Variants in SHANK2 observed in about 807,000 individuals in gnomAD.
The protein encoded by SHANK2 is SH3 and multiple ankyrin repeat domains 2.
Under a neutral mutation model 133.7 loss-of-function variants are expected in SHANK2, and 43 were observed. The ratio of observed to expected loss-of-function variants is 0.32; its 90% CI spans 0.25 to 0.41. The LOEUF is 0.41. Among genes scored for constraint, SHANK2 ranks in the 10% least tolerant of loss-of-function variants. The pLI is 1.00. For synonymous variants in SHANK2, 1,017 were observed against 952.8 expected, an observed-to-expected ratio of 1.07 and a Z score of -1.24; for missense variants, 1,994 against 2,235.8, an observed-to-expected ratio of 0.89 and a Z score of 2.18.
At chr11:70,481,310 T>C (rs190484313) in intron 25 of SHANK2, among the ~76,000 whole-genome samples, 174 of 152,354 alleles carry the variant, frequency 1.1e-3, no homozygotes, top group African/African-American at 4.0e-3. Context: ...CATCCTTGAT[T>C]TCAGGGAAGA....
intron 10 of SHANK2, among the ~76,000 whole-genome samples, chr11:70,932,172 G>A (rs1950512849): frequency 6.6e-6 from 1 of 152,232 alleles, no homozygotes; most frequent in Non-Finnish European, 1.5e-5. Context: ...TGTTGCTTCT[G>A]CCTTAGCCAT....
intron 10 of SHANK2, among the ~76,000 whole-genome samples, chr11:70,910,085 TATAGG>T (rs1434920467): frequency 2.0e-5 from 3 of 152,172 alleles, no homozygotes; most frequent in African/African-American, 7.2e-5. Context: ...CTCCTCTTCC[TATAGG>T]GACACTGGTC....
intron 14 of SHANK2, among the ~76,000 whole-genome samples, chr11:70,700,892 T>G (rs926112939): frequency 1.3e-5 from 2 of 152,244 alleles, no homozygotes; most frequent in African/African-American, 4.8e-5. Context: ...TGTTGGGCCA[T>G]GCATGTGCAG....
rs1948116923 is a variant in SHANK2 at position 70,804,357 on chromosome 11, C to G, written c.1663+2645G>C. 6.6e-6 allele frequency among the ~76,000 whole-genome samples: 1 copy of G among 152,200 alleles called. No individual in the cohort carries two copies. Among genetic ancestry groups the G allele is most frequent in the South Asian group, 2.1e-4 (1 of 4,830 alleles). The stretch of plus-strand genomic sequence containing the variant: ...GCTCGGCAGGAAGGAAGAGCGGTGC[C>G]ACTGGCAGCAGGAAGGGGCTCCGTG... On this transcript the variant is annotated intron_variant, in intron 13 of 25. Transcript: ENST00000601538. The surrounding 1 kb of genome is among the most constrained non-coding windows in gnomAD (Gnocchi z 4.1).
chr11:71,118,769 C>T, intron 4 of SHANK2, 60 bp downstream of exon 4: 1 of 1,398,086 alleles, frequency 7.2e-7, no homozygotes, highest in South Asian at 1.5e-5. Context: ...TCTCCCCCAC[C>T]CACCATGGCA....
chr11:71,194,026 GT>G (rs1249500747), intron 2 of SHANK2, among the ~76,000 whole-genome samples: 1 of 152,212 alleles, frequency 6.6e-6, no homozygotes, highest in African/African-American at 2.4e-5. Flanking sequence ...GCCCACAGCA[GT>G]GCTGCTGGCG....
chr11:70,757,406 T>C (rs1946897942), intron 14 of SHANK2, among the ~76,000 whole-genome samples: 1 of 152,204 alleles, frequency 6.6e-6, no homozygotes, highest in African/African-American at 2.4e-5. Context: ...GGCCCCTAGC[T>C]GGCATCTGGG....
At position 70,670,614 on chromosome 11, in the gene SHANK2, C is replaced by T. The variant is rs181890535; in HGVS notation, c.1854-8936G>A. ...GGGGGAGCTTCTCAGCCCATGACCA[C>T]ACGTGCAGCTGCTCCCAGCATCCTG... On this transcript the variant is annotated intron_variant, in intron 15 of 25. Coordinates refer to ENST00000601538, the MANE Select transcript of SHANK2 (RefSeq NM_012309.5). Among the ~76,000 whole-genome samples the T allele has an allele frequency of 1.1e-4, 17 of 152,314 alleles. No individual in the cohort carries two copies. The East Asian group carries it at 3.3e-3, about 29-fold the overall frequency.
At chr11:70,718,079 C>CA (rs1201265074) in intron 14 of SHANK2, among the ~76,000 whole-genome samples, 9 of 152,106 alleles carry the variant, frequency 5.9e-5, no homozygotes, top group Admixed American at 5.2e-4. Context: ...GGCAATGCAT[C>CA]AGTCACTAGT....
intron 2 of SHANK2, among the ~76,000 whole-genome samples, chr11:71,190,422 C>T (rs1261125504): frequency 6.6e-6 from 1 of 152,190 alleles, no homozygotes; most frequent in African/African-American, 2.4e-5. Flanking sequence ...TTAAGCATCT[C>T]GGTACCCGTC....
At position 70,680,115 on chromosome 11, in the gene SHANK2, G is replaced by A. The variant is rs146567614; in HGVS notation, c.1854-18437C>T. Among the ~76,000 whole-genome samples, 24 of 152,200 alleles carry A rather than the reference G, an allele frequency of 1.6e-4. No individual in the cohort carries two copies. In the East Asian group the frequency reaches 3.9e-3, roughly 24 times the overall value. ...AAGGGAGCAGAACTCCTGCAGCCTC[G>A]GTTTCTCCATCTGTAACGTGGGGCC... is the stretch of plus-strand genomic sequence containing the variant. On this transcript the variant is annotated intron_variant, in intron 15 of 25. Transcript: ENST00000601538.
intron 10 of SHANK2, among the ~76,000 whole-genome samples, chr11:70,927,685 G>A (rs977506054): frequency 7.2e-5 from 11 of 152,152 alleles, no homozygotes; most frequent in Admixed American, 5.9e-4. Context: ...CCTTGACTGA[G>A]TTCCAGGGTC....
intron 17 of SHANK2, among the ~76,000 whole-genome samples, chr11:70,554,015 G>A (rs1299439353): frequency 3.3e-5 from 5 of 152,210 alleles, no homozygotes; most frequent in East Asian, 1.9e-4. Flanking sequence ...AATGGCCTGG[G>A]GTCGCTGACC....
intron 17 of SHANK2, among the ~76,000 whole-genome samples, chr11:70,559,793 C>CA (rs1554980438): frequency 2.0e-5 from 3 of 152,024 alleles, no homozygotes; most frequent in Non-Finnish European, 4.4e-5. Flanking sequence ...GATCAGACTC[C>CA]AAAAAAAGAG....
At chr11:70,678,312 T>G (rs572889885) in intron 15 of SHANK2, among the ~76,000 whole-genome samples, 5 of 151,790 alleles carry the variant, frequency 3.3e-5, no homozygotes, top group African/African-American at 9.7e-5. Flanking sequence ...CCAGCTAATT[T>G]TTGTAGAGAT....
chr11:70,638,832 A>C (rs2061140388), intron 17 of SHANK2, among the ~76,000 whole-genome samples: 1 of 152,038 alleles, frequency 6.6e-6, no homozygotes, highest in South Asian at 2.1e-4. Flanking sequence ...CCCCGTCTCT[A>C]CTAAAAATAC....
At chr11:70,661,771 C>CAATT in intron 15 of SHANK2, 93 bp from the exon 16 acceptor site, 1 of 1,613,984 alleles carries the variant, frequency 6.2e-7, no homozygotes, top group East Asian at 2.2e-5. Flanking sequence ...TCATCATAGC[C>CAATT]AATTAATCAC....
chr11:70,515,803 C>A (rs1440626292), intron 17 of SHANK2, among the ~76,000 whole-genome samples: 1 of 151,986 alleles, frequency 6.6e-6, no homozygotes, highest in Non-Finnish European at 1.5e-5. Context: ...CAGAGCGAGA[C>A]CTGTCTCAAA....
At chr11:70,719,749 G>T (rs995801821) in intron 14 of SHANK2, among the ~76,000 whole-genome samples, 1 of 151,218 alleles carries the variant, frequency 6.6e-6, no homozygotes, top group Non-Finnish European at 1.5e-5. Context: ...ACAGCCCCGC[G>T]CTCCCCTGCT....
Sources: gnomAD v4.1 joint callset for allele counts (sites outside exome capture counted in the v4.1 genomes callset) on GRCh38, gnomAD v4.1.1 for gene constraint, Gnocchi (gnomAD v3.1) non-coding constraint, MANE v1.5 for transcripts, NCBI Gene and HGNC (gene_info 2026-07-23, HGNC 2026-07-21) for gene names.